Variants in IDE observed in about 807,000 individuals in gnomAD.
IDE encodes insulin-degrading enzyme.
IDE carries 58 observed loss-of-function variants against 133.2 expected under a neutral mutation model. The ratio of observed to expected loss-of-function variants is 0.44; its 90% CI spans 0.35 to 0.54. The LOEUF (loss-of-function observed/expected upper bound fraction) is 0.54. IDE is among the 20% of genes least tolerant of loss of function. IDE has a pLI of 0.00. For synonymous variants in IDE, 396 were observed against 421.3 expected, an observed-to-expected ratio of 0.94 and a Z score of 0.73; for missense variants, 981 against 1,234.0, an observed-to-expected ratio of 0.79 and a Z score of 3.07.
intron 5 of IDE, among the ~76,000 whole-genome samples, chr10:92,511,082 G>GT (rs1446709949): frequency 2.2e-5 from 2 of 91,810 alleles, no homozygotes; most frequent in African/African-American, 8.3e-5. Flanking sequence ...AGAAAGCAGT[G>GT]TTAAAAAAAA....
At chr10:92,519,930 C>T (rs977211712) in intron 4 of IDE, among the ~76,000 whole-genome samples, 7 of 152,144 alleles carry the variant, frequency 4.6e-5, no homozygotes, top group African/African-American at 1.4e-4. Flanking sequence ...CATGGCAAAA[C>T]CCCGTCCTAC....
intron 1 of IDE, among the ~76,000 whole-genome samples, chr10:92,552,599 C>T (rs1356769072): frequency 6.6e-6 from 1 of 152,014 alleles, no homozygotes; most frequent in Non-Finnish European, 1.5e-5. Flanking sequence ...TGGCTCACGC[C>T]TGTAATCCCA....
At chr10:92,544,548 AG>A (rs1326853273) in intron 1 of IDE, among the ~76,000 whole-genome samples, 2 of 152,202 alleles carry the variant, frequency 1.3e-5, no homozygotes, top group Non-Finnish European at 2.9e-5. Context: ...TGGGAAGGGG[AG>A]GGACAGAGGT....
chr10:92,467,539 G>C (rs1031084285), intron 19 of IDE, among the ~76,000 whole-genome samples: 8 of 152,224 alleles, frequency 5.3e-5, no homozygotes, highest in Admixed American at 1.3e-4. Flanking sequence ...AGAAATTTGG[G>C]AGGGTACTTA....
intron 2 of IDE, among the ~76,000 whole-genome samples, chr10:92,535,259 G>A (rs1001832072): frequency 3.9e-5 from 6 of 151,982 alleles, no homozygotes; most frequent in African/African-American, 9.7e-5. Context: ...GCCCACCACC[G>A]CGCCCAGCTA....
chr10:92,469,754 T>C (rs140534021), intron 18 of IDE, among the ~76,000 whole-genome samples: 2 of 152,194 alleles, frequency 1.3e-5, no homozygotes, highest in Non-Finnish European at 1.5e-5. Context: ...CACGGAAATT[T>C]TGTAGTGCTT....
At chr10:92,500,207 G>C (rs1321267658) in intron 11 of IDE, among the ~76,000 whole-genome samples, 2 of 151,716 alleles carry the variant, frequency 1.3e-5, no homozygotes, top group South Asian at 2.1e-4. Context: ...TGAGGCAAGA[G>C]AATCGCTTAA....
chr10:92,561,372 T>C (rs1486942196), intron 1 of IDE, among the ~76,000 whole-genome samples: 1 of 152,212 alleles, frequency 6.6e-6, no homozygotes, highest in Non-Finnish European at 1.5e-5. Flanking sequence ...GTCAACCTCC[T>C]ATAGTTGCCA....
chr10:92,521,915 G>A (rs1413787209), intron 4 of IDE, among the ~76,000 whole-genome samples: 2 of 152,028 alleles, frequency 1.3e-5, no homozygotes, highest in African/African-American at 4.8e-5. Context: ...ATATTTATGA[G>A]CAAAATGATA....
intron 1 of IDE, among the ~76,000 whole-genome samples, chr10:92,549,738 T>C (rs1842696419): frequency 6.6e-6 from 1 of 151,884 alleles, no homozygotes; most frequent in Non-Finnish European, 1.5e-5. Context: ...ATATATTCAA[T>C]AAACCCCTTA....
intron 9 of IDE, 51 bp from the exon 10 acceptor site, chr10:92,506,573 CTTTT>C (rs34053974): frequency 2.8e-5 from 19 of 683,432 alleles, no homozygotes; most frequent in South Asian, 1.3e-4. Flanking sequence ...ATTTAGAAAC[CTTTT>C]TTTTTTTTTT....
rs1022495974 is a variant in IDE at position 92,537,813 on chromosome 10, T to C, written c.99-263A>G. Among the ~76,000 whole-genome samples the C allele has an allele frequency of 3.9e-5, 6 of 152,174 alleles. No individual in the cohort carries two copies. In the South Asian group the frequency reaches 1.2e-3, roughly 32 times the overall value. ...GATAGGGATTTGAGATAGGGTGGGT[T>C]AGACCATGTGTTGGCCTGTATGCAG... On this transcript the variant is annotated intron_variant, in intron 1 of 24. Coordinates refer to ENST00000265986, the MANE Select transcript of IDE (RefSeq NM_004969.4).
At chr10:92,460,682 T>C (rs890942392) in intron 22 of IDE, among the ~76,000 whole-genome samples, 1 of 152,098 alleles carries the variant, frequency 6.6e-6, no homozygotes, top group Non-Finnish European at 1.5e-5. Flanking sequence ...GCAAACTTGG[T>C]TTAGAGGGAG....
At chr10:92,520,868 G>A (rs949448723) in intron 4 of IDE, among the ~76,000 whole-genome samples, 4 of 152,034 alleles carry the variant, frequency 2.6e-5, no homozygotes, top group African/African-American at 9.7e-5. Flanking sequence ...TCCCAGTAAC[G>A]AGAAAAAAGA....
At chr10:92,478,763 T>A (rs962361893) in intron 15 of IDE, 16 of 1,261,792 alleles carry the variant, frequency 1.3e-5, no homozygotes, top group Non-Finnish European at 1.3e-5. Context: ...CATGTTGCAA[T>A]GGAGAGGATC....
intron 10 of IDE, among the ~76,000 whole-genome samples, chr10:92,506,110 C>T (rs1322001131): frequency 6.6e-5 from 10 of 152,102 alleles, no homozygotes; most frequent in Non-Finnish European, 2.9e-5. Flanking sequence ...GATGATAGCT[C>T]AGACTAGGAT....
intron 19 of IDE, among the ~76,000 whole-genome samples, chr10:92,467,630 C>A (rs771099348): frequency 6.6e-6 from 1 of 152,188 alleles, no homozygotes; most frequent in Non-Finnish European, 1.5e-5. Context: ...GGATGAATTG[C>A]ACTTTGAAAT....
intron 1 of IDE, among the ~76,000 whole-genome samples, chr10:92,549,423 ATAAT>A (rs1237558757): frequency 1.3e-5 from 2 of 152,234 alleles, no homozygotes; most frequent in African/African-American, 4.8e-5. Context: ...GAACGCTTCT[ATAAT>A]TAAACTCCCA....
At chr10:92,538,723 T>G (rs182993948) in intron 1 of IDE, among the ~76,000 whole-genome samples, 62 of 152,174 alleles carry the variant, frequency 4.1e-4, no homozygotes, top group Admixed American at 1.8e-3. Context: ...GTACGCATGT[T>G]TTTTGAGAGT....
Sources: gnomAD v4.1 joint callset for allele counts (sites outside exome capture counted in the v4.1 genomes callset) on GRCh38, gnomAD v4.1.1 for gene constraint, MANE v1.5 for transcripts, NCBI Gene and HGNC (gene_info 2026-07-23, HGNC 2026-07-21) for gene names.